The following MLC1 variants were observed in gnomAD, a reference collection of about 807,000 sequenced individuals.
MLC1 encodes membrane protein MLC1.
A neutral mutation model predicts 44.7 loss-of-function variants in MLC1; 32 were observed. That is an observed-to-expected ratio of 0.72 (90% CI 0.54 to 0.96). The LOEUF is 0.96. Ranked by LOEUF, MLC1 falls within the 40% of genes least tolerant of loss-of-function variation. The pLI, the probability that MLC1 is intolerant of heterozygous loss-of-function variation, is 0.00. For missense variants in MLC1, 459 were observed against 492.2 expected (o/e 0.93, Z 0.64); for synonymous variants, 190 against 213.0 (o/e 0.89, Z 0.94).
At chr22:50,065,421 T>C (rs1320488449) in intron 10 of MLC1, among the ~76,000 whole-genome samples, 2 of 151,764 alleles carry the variant, frequency 1.3e-5, no homozygotes, top group South Asian at 4.2e-4. Context: ...CTTAACTATT[T>C]AAAAAAATAG....
rs533177991 is a variant in MLC1 at position 50,074,119 on chromosome 22, T to C, written c.714+97A>G. On this transcript the variant is annotated intron_variant, in intron 8 of 11. Transcript: ENST00000311597. ...GCGAGGACCCTCTGTGGTGACTCTC[T>C]GTCTGAATGCACCAAGACTGAGCTC... The C allele has an allele frequency of 6.0e-6, 6 of 1,005,724 alleles. No homozygotes were observed. The South Asian group carries it at 8.2e-5, about 14-fold the overall frequency. The allele number at this position is 1,005,724 out of a possible 1,614,324, so 62.3% of individuals were successfully genotyped here.
intron 7 of MLC1, among the ~76,000 whole-genome samples, chr22:50,074,881 C>T (rs550758412): frequency 1.2e-4 from 19 of 152,320 alleles, no homozygotes; most frequent in South Asian, 4.1e-4. Flanking sequence ...ATAATCTGCC[C>T]CTTAATTAGC....
rs555160127 is a variant in MLC1, at chr22:50,074,441, C to T, written c.598-109G>A. On this transcript the variant is annotated intron_variant, in intron 7 of 11. Coordinates refer to ENST00000311597, the MANE Select transcript of MLC1 (RefSeq NM_015166.4). ...CCAGGAGCAGGGTCCAGTGGGCTGG[C>T]CCCAGATCTAACCGTGGAGGAGCCC... 46 of 997,990 alleles carry T rather than the reference C, an allele frequency of 4.6e-5. No homozygotes were observed. The East Asian group carries it at 1.0e-3, about 22-fold the overall frequency. The allele number at this position is 997,990 out of a possible 1,614,324, so 61.8% of individuals were successfully genotyped here. A position where few individuals can be genotyped will look rare whatever the true frequency, so the allele number is the denominator to read the frequency against.
chr22:50,078,608 G>A (rs182124182), intron 5 of MLC1, among the ~76,000 whole-genome samples: 158 of 151,712 alleles, frequency 1.0e-3, no homozygotes, highest in African/African-American at 3.6e-3. Flanking sequence ...GTACGGTGGC[G>A]CACGCCTGTA....
chr22:50,076,737 AGCCAACTCTTC>A, intron 7 of MLC1, 93 bp downstream of exon 7: 4 of 1,230,248 alleles, frequency 3.3e-6, no homozygotes, highest in South Asian at 1.2e-5. Flanking sequence ...CGGTGTAGAC[AGCCAACTCTTC>A]GCCAACTCGG....
At chr22:50,070,696 T>C (rs2061830314) in intron 8 of MLC1, 113 bp from the exon 9 acceptor site, 1 of 1,181,296 alleles carries the variant, frequency 8.5e-7, no homozygotes. Context: ...GCTGGCTTGC[T>C]GTGGGGGGCA....
At chr22:50,065,842 C>A (rs1457160129) in intron 10 of MLC1, among the ~76,000 whole-genome samples, 1 of 152,188 alleles carries the variant, frequency 6.6e-6, no homozygotes, top group Non-Finnish European at 1.5e-5. Flanking sequence ...CCTAAAGATG[C>A]GCTGAGGATT....
rs985607951 is a variant in MLC1, at chr22:50,061,605, A to C, written c.1112T>G (p.Val371Gly). The C allele has an allele frequency of 9.3e-6, 15 of 1,613,534 alleles. No individual in the cohort carries two copies. The Admixed American group carries it at 1.8e-4, about 20-fold the overall frequency. Reference protein sequence around the residue: ...EFDKEKAWRAVVVQMAQ With the variant: ...EFDKEKAWRAGVVQMAQ ...GGGTCACTGGGCCATTTGCACCACG[A>C]CGGCTCTCCAGGCTTTCTCCTTGTC... is the stretch of plus-strand genomic sequence containing the variant. Residue 371 changes from valine (V) to glycine (G), a missense_variant, in exon 12 of 12, where the codon GTC becomes GGC. By Grantham distance (109) the Val-to-Gly change is moderately radical (BLOSUM62 -3). Coordinates refer to ENST00000311597, the MANE Select transcript of MLC1 (RefSeq NM_015166.4).
In MLC1 at chr22:50,083,186, G is replaced by A. The variant is rs1569252040; in HGVS notation, c.178-13C>T. 10 of 1,611,852 alleles carry A rather than the reference G, an allele frequency of 6.2e-6. No individual in the cohort carries two copies. Among genetic ancestry groups the A allele is most frequent in the Middle Eastern group, 1.6e-4 (1 of 6,082 alleles). On this transcript the variant is annotated splice_polypyrimidine_tract_variant and intron_variant, in intron 2 of 11. Transcript: ENST00000311597. The surrounding 1 kb of genome is among the most constrained non-coding windows in gnomAD (Gnocchi z 4.6). ...CCAGGAGGCAGCTCTGCAAGACAGC[G>A]ACAGAATCCCAGGTTACAACGCGCC...
chr22:50,064,162 C>G lies in MLC1; in HGVS notation c.931G>C (p.Val311Leu), dbSNP rs1569242074. 6.2e-7 allele frequency: 1 copy of G among 1,605,848 alleles called. No individual in the cohort carries two copies. The highest frequency in any genetic ancestry group is 1.7e-5 in the Admixed American group (1 of 59,900). The stretch of plus-strand genomic sequence containing the variant: ...TTGAGGCCGGCCTGCAGCAGGAGCA[C>G]TAGCAGCAGCAGCAGCAGCAGCACA... ...YDVLLLLLLL[V>L]LLLQAGLNTG... The change falls in exon 11 of 12, where the codon GTG becomes CTG. Residue 311 changes from valine (V) to leucine (L), a missense_variant. Transcript: ENST00000311597.
At chr22:50,071,015 A>T (rs933890211) in intron 8 of MLC1, among the ~76,000 whole-genome samples, 1 of 151,068 alleles carries the variant, frequency 6.6e-6, no homozygotes, top group African/African-American at 2.4e-5. Context: ...CGCTCGAGAG[A>T]CTCCACGTGG....
chr22:50,068,721 T>C (rs1569244394), intron 9 of MLC1, among the ~76,000 whole-genome samples, 166 bp from the exon 10 acceptor site: 1 of 111,116 alleles, frequency 9.0e-6, no homozygotes, highest in African/African-American at 3.5e-5. Flanking sequence ...TCTTTTTTCT[T>C]TTTCTTTTTT....
At chr22:50,064,480 G>A (rs1213499822) in intron 10 of MLC1, among the ~76,000 whole-genome samples, 1 of 152,218 alleles carries the variant, frequency 6.6e-6, no homozygotes, top group East Asian at 1.9e-4. Flanking sequence ...GGCTGCTAGT[G>A]GTCAAGTCGC....
chr22:50,074,565 T>A (rs1222747497), intron 7 of MLC1: 1 of 552,528 alleles, frequency 1.8e-6, no homozygotes, highest in African/African-American at 1.9e-5. Context: ...AAGAGGTGTT[T>A]CCCCCACTGC....
chr22:50,083,289 C>A lies in MLC1; in HGVS notation c.178-116G>T. 2 of 911,876 alleles carry A rather than the reference C, an allele frequency of 2.2e-6. No homozygotes were observed. The highest frequency in any genetic ancestry group is 2.7e-5 in the South Asian group (2 of 72,854). 56.5% of individuals were successfully genotyped at this position (911,876 alleles called of 1,614,324 possible). On this transcript the variant is annotated intron_variant, in intron 2 of 11. Transcript: ENST00000311597. The surrounding 1 kb of genome is among the most constrained non-coding windows in gnomAD (Gnocchi z 4.6). ...TTGGTGACTCACCCACGTCCCCCAG[C>A]ATCAACCACACCCGCACCTGGGACC... is the stretch of plus-strand genomic sequence containing the variant.
chr22:50,063,657 G>A (rs2061621566), intron 11 of MLC1, among the ~76,000 whole-genome samples: 2 of 136,772 alleles, frequency 1.5e-5, no homozygotes, highest in African/African-American at 5.5e-5. Flanking sequence ...GCTCCTGTGG[G>A]CCACTCACCT....
At chr22:50,077,574 AC>A in intron 5 of MLC1, 72 bp from the exon 6 acceptor site, 1 of 1,281,496 alleles carries the variant, frequency 7.8e-7, no homozygotes, top group Non-Finnish European at 1.1e-6. Flanking sequence ...CGTCCACCGG[AC>A]CACCTCACGG....
At chr22:50,080,490 A>C in intron 3 of MLC1, 93 bp from the exon 4 acceptor site, 1 of 1,341,108 alleles carries the variant, frequency 7.5e-7, no homozygotes, top group Non-Finnish European at 1.0e-6. Flanking sequence ...GAAGGATCTG[A>C]ATCATATTCA....
chr22:50,064,148 C>T lies in MLC1; in HGVS notation c.945G>A (p.Gln315=). ...LLLLLLVLLL[Q]AGLNTGTAIQ... is the part of the protein sequence containing the mutation. ...TGGCGGTGCCCGTGTTGAGGCCGGCCTGCAGCAGGAGCACTAGCAGCAGCA... is the reference window on the plus strand; with the variant it reads ...TGGCGGTGCCCGTGTTGAGGCCGGCTTGCAGCAGGAGCACTAGCAGCAGCA... Residue 315 remains glutamine, a synonymous_variant, in exon 11 of 12, where the codon CAG becomes CAA. Coordinates refer to ENST00000311597, the MANE Select transcript of MLC1 (RefSeq NM_015166.4). 1 of 1,607,874 alleles carries T rather than the reference C, an allele frequency of 6.2e-7. No homozygotes were observed. The highest frequency in any genetic ancestry group is 8.5e-7 in the Non-Finnish European group (1 of 1,179,762).
Sources: allele counts gnomAD v4.1 joint callset (sites outside exome capture counted in the v4.1 genomes callset), GRCh38; gene constraint gnomAD v4.1.1; non-coding constraint Gnocchi (gnomAD v3.1); transcripts MANE v1.5; gene names NCBI Gene and HGNC (gene_info 2026-07-23, HGNC 2026-07-21).